WNK2: variants seen among roughly 807,000 people sequenced by gnomAD.
WNK2 encodes the protein WNK lysine deficient protein kinase 2.
Under a neutral mutation model 192.1 loss-of-function variants are expected in WNK2, and 67 were observed. That is an observed-to-expected ratio of 0.35 (90% confidence interval 0.29 to 0.43). WNK2 has a LOEUF of 0.43. WNK2 is among the 20% of genes least tolerant of loss of function. The pLI, the probability that WNK2 is intolerant of heterozygous loss-of-function variation, is 1.00. For missense variants in WNK2, 2,698 were observed against 3,089.7 expected, an observed-to-expected ratio of 0.87 and a Z score of 3.01; for synonymous variants, 1,439 against 1,393.9, an observed-to-expected ratio of 1.03 and a Z score of -0.72.
Position 93,256,281 on chromosome 9 carries a change from C to A in WNK2, c.2035-18C>A. The A allele has an allele frequency of 6.6e-7, 1 of 1,523,188 alleles. No individual in the cohort carries two copies. Among genetic ancestry groups the A allele is most frequent in the Non-Finnish European group, 8.8e-7 (1 of 1,140,264 alleles). 94.4% of individuals were successfully genotyped at this position (1,523,188 alleles called of 1,614,324 possible). A position where few individuals can be genotyped will look rare whatever the true frequency, so the allele number is the denominator to read the frequency against. ...GGCCGAGAGCTGCTGCTGAGTGTGG[C>A]CCTGGTGCTCTCTGCAGCCTGGCTT... On this transcript the variant is annotated intron_variant, in intron 9 of 29. Transcript: ENST00000427277.
At position 93,259,993 on chromosome 9, in the gene WNK2, AT is replaced by A. The variant is rs1238734158; in HGVS notation, c.3066+380del. Among the ~76,000 whole-genome samples, 2 of 152,076 alleles carry A rather than the reference AT, an allele frequency of 1.3e-5. No homozygotes were observed. The highest frequency in any genetic ancestry group is 1.3e-4 in the Admixed American group (2 of 15,270). ...GTCTGAGGTCCACCCTTCAAAGAGC[AT>A]CTTGTCAGGATGAGGCAGGGTGACA... On this transcript the variant is annotated intron_variant, in intron 12 of 29. Transcript: ENST00000427277. This position sits in a 1 kb window ranked among gnomAD's most constrained non-coding sequence, Gnocchi z 4.8.
chr9:93,256,505 T>C, intron 10 of WNK2, 51 bp downstream of exon 10: 2 of 1,460,080 alleles, frequency 1.4e-6, no homozygotes. Context: ...GGCAGTCACC[T>C]GTGCTGGCCC....
intron 28 of WNK2, among the ~76,000 whole-genome samples, chr9:93,314,896 G>T (rs74364826): frequency 1.3e-5 from 2 of 152,080 alleles, no homozygotes; most frequent in African/African-American, 2.4e-5. Context: ...TTCCCGGGGG[G>T]GGTTTTGCTG....
chr9:93,261,771 G>T, intron 12 of WNK2, 43 bp from the exon 13 acceptor site: 2 of 1,549,312 alleles, frequency 1.3e-6, no homozygotes, highest in Non-Finnish European at 1.7e-6. Context: ...CTCAGTGAAG[G>T]CAGCGCCGGC....
Position 93,187,619 on chromosome 9 carries a change from C to T in WNK2, c.681+2009C>T, listed in dbSNP as rs192436966. Among the ~76,000 whole-genome samples the T allele has an allele frequency of 1.8e-3, 270 of 152,248 alleles. 2 individuals are homozygous for T. Among genetic ancestry groups the T allele is most frequent in the African/African-American group, 5.8e-3 (243 of 41,540 alleles). On this transcript the variant is annotated intron_variant, in intron 2 of 29. Transcript: ENST00000427277. Reference sequence around the variant, plus strand: ...TGTGTTGGGGCTGTGCTGGAAGTCTCGTCATCACAAACTGTGAGGACTGAG... The same window carrying T: ...TGTGTTGGGGCTGTGCTGGAAGTCTTGTCATCACAAACTGTGAGGACTGAG...
Position 93,184,838 on chromosome 9 carries a change from C to CGG in WNK2, c.-2-88_-2-87dup, listed in dbSNP as rs964602983. 19 of 1,127,554 alleles carry CGG rather than the reference C, an allele frequency of 1.7e-5. No homozygotes were observed. The African/African-American group carries it at 2.8e-4, about 16-fold the overall frequency. 69.8% of individuals were successfully genotyped at this position (1,127,554 alleles called of 1,614,324 possible). ...TCCGCGGCCGGGGCTGGGCAGGTTG[C>CGG]GGGCTTAGGGCGGCGTTGTCTCATC... On this transcript the variant is annotated intron_variant, in intron 1 of 29. Coordinates refer to ENST00000427277, the MANE Select transcript of WNK2 (RefSeq NM_006648.4).
chr9:93,276,470 G>T (rs1319046359), intron 19 of WNK2, among the ~76,000 whole-genome samples: 3 of 152,190 alleles, frequency 2.0e-5, no homozygotes, highest in Admixed American at 6.5e-5. Flanking sequence ...CAAAAACTGT[G>T]TAAGTTTTAT....
At chr9:93,288,674 A>T in intron 19 of WNK2, 114 bp from the exon 20 acceptor site, 1 of 1,096,086 alleles carries the variant, frequency 9.1e-7, no homozygotes, top group Non-Finnish European at 1.3e-6. Flanking sequence ...AACAGAGAAG[A>T]CCAGCACGCT....
At chr9:93,190,334 A>G (rs1211197110) in intron 2 of WNK2, among the ~76,000 whole-genome samples, 2 of 152,202 alleles carry the variant, frequency 1.3e-5, no homozygotes, top group Non-Finnish European at 1.5e-5. Flanking sequence ...TGGGGGACAC[A>G]TTGAGGCTGA....
Position 93,263,835 on chromosome 9 carries a change from A to AG in WNK2, c.3580-78dup, listed in dbSNP as rs1312883302. 2.0e-3 allele frequency: 872 copies of AG among 435,902 alleles called. 1 individual carries two copies. The highest frequency in any genetic ancestry group is 3.3e-3 in the South Asian group (149 of 45,292). 27.0% of individuals were successfully genotyped at this position (435,902 alleles called of 1,614,324 possible). On this transcript the variant is annotated intron_variant, in intron 15 of 29. Transcript: ENST00000427277. The stretch of plus-strand genomic sequence containing the variant: ...CGGGGGTGTGGTGGGGGTGGGGGGG[A>AG]GGGGTACTTGGGGGTGTGTGGGGGT...
In WNK2 at chr9:93,188,867, G is replaced by A. The variant is rs145841102; in HGVS notation, c.681+3257G>A. Among the ~76,000 whole-genome samples the A allele has an allele frequency of 3.2e-3, 495 of 152,316 alleles. 4 individuals are homozygous for A. The highest frequency in any genetic ancestry group is 0.018 in the South Asian group (87 of 4,824). On this transcript the variant is annotated intron_variant, in intron 2 of 29. Transcript: ENST00000427277. ...ATACAGCAACGGGGAGGTGCCTGGC[G>A]TGGTGCTGTGGCCACCCCTTGCTCT... is the stretch of plus-strand genomic sequence containing the variant.
Position 93,295,118 on chromosome 9 carries a change from G to C in WNK2, c.5708+1945G>C, listed in dbSNP as rs372688353. ...TGTGCTTTCAGATGTCCCAGGCCGC[G>C]GGGCTCTGTGGTGAGCAGCCCAGGG... On this transcript the variant is annotated intron_variant, in intron 23 of 29. Transcript: ENST00000427277. Among the ~76,000 whole-genome samples, 579 of 152,272 alleles carry C rather than the reference G, an allele frequency of 3.8e-3. 3 individuals are homozygous for C. The highest frequency in any genetic ancestry group is 0.014 in the Middle Eastern group (4 of 294).
intron 2 of WNK2, among the ~76,000 whole-genome samples, chr9:93,199,954 C>T (rs367731274): frequency 7.3e-5 from 11 of 149,694 alleles, no homozygotes; most frequent in African/African-American, 1.7e-4. Context: ...GGGGGGGCAG[C>T]GGTTGGGCAG....
Position 93,292,758 on chromosome 9 carries a change from C to A in WNK2, c.5293C>A (p.Leu1765Met). The A allele has an allele frequency of 6.4e-7, 1 of 1,562,760 alleles. No homozygotes were observed. The highest frequency in any genetic ancestry group is 8.7e-7 in the Non-Finnish European group (1 of 1,154,816). ...GTGGACCCTGGCCTCCCCCCACAGC[C>A]TGAGATACTCTGCCCCACCCGACGT... ...DEWTLASPHS[L>M]RYSAPPDVYL... is the part of the protein sequence containing the mutation. Residue 1765 changes from leucine to methionine, a missense_variant, in exon 23 of 30, where the codon CTG (leucine) becomes ATG (methionine). Transcript: ENST00000427277.
Position 93,218,248 on chromosome 9 carries a change from C to T in WNK2, c.682-11448C>T, listed in dbSNP as rs376210446. Among the ~76,000 whole-genome samples the T allele has an allele frequency of 2.0e-5, 3 of 152,178 alleles. No individual in the cohort carries two copies. The East Asian group carries it at 5.8e-4, about 29-fold the overall frequency. The stretch of plus-strand genomic sequence containing the variant: ...ACAGGCCTTGCCCTGGGGTGCCCCG[C>T]CTGCCCCACCCCACAGGAGCTGTTC... On this transcript the variant is annotated intron_variant, in intron 2 of 29. Transcript: ENST00000427277.
intron 2 of WNK2, among the ~76,000 whole-genome samples, chr9:93,190,167 G>C (rs556597718): frequency 6.6e-6 from 1 of 152,358 alleles, no homozygotes; most frequent in East Asian, 1.9e-4. Flanking sequence ...GCTGGCGCTA[G>C]CTCCCTGAAA....
rs1842772449 is a variant in WNK2 at position 93,252,864 on chromosome 9, C to G, written c.1835-19C>G. 3.5e-6 allele frequency: 5 copies of G among 1,415,956 alleles called. No individual in the cohort carries two copies. Among genetic ancestry groups the G allele is most frequent in the South Asian group, 1.5e-5 (1 of 64,574 alleles). 87.7% of individuals were successfully genotyped at this position (1,415,956 alleles called of 1,614,324 possible). A position where few individuals can be genotyped will look rare whatever the true frequency, so the allele number is the denominator to read the frequency against. ...CATTTGGAGATGTCCACTCTAAGTCCTGCTTTTGTCCTCCCCAGCGGACAG... is the reference window on the plus strand; with the variant it reads ...CATTTGGAGATGTCCACTCTAAGTCGTGCTTTTGTCCTCCCCAGCGGACAG... On this transcript the variant is annotated intron_variant, in intron 8 of 29. Coordinates refer to ENST00000427277, the MANE Select transcript of WNK2 (RefSeq NM_006648.4).
At chr9:93,301,648 G>A (rs897211650) in intron 26 of WNK2, among the ~76,000 whole-genome samples, 41 of 152,138 alleles carry the variant, frequency 2.7e-4, no homozygotes, top group African/African-American at 2.4e-4. Flanking sequence ...CTCCGCAGCC[G>A]GTTCCCGGCC....
At chr9:93,299,039 C>G in intron 24 of WNK2, 31 bp from the exon 25 acceptor site, 10 of 1,594,400 alleles carry the variant, frequency 6.3e-6, no homozygotes, top group Non-Finnish European at 8.6e-6. Flanking sequence ...GGCGCCTCAT[C>G]GTGCCTGTCG....
Sources: gnomAD v4.1 joint callset for allele counts (sites outside exome capture counted in the v4.1 genomes callset) on GRCh38, gnomAD v4.1.1 for gene constraint, Gnocchi (gnomAD v3.1) non-coding constraint, MANE v1.5 for transcripts, NCBI Gene and HGNC (gene_info 2026-07-23, HGNC 2026-07-21) for gene names.